The following MAN1A2 variants were observed in gnomAD, a reference collection of about 807,000 sequenced individuals.
MAN1A2 encodes the protein mannosyl-oligosaccharide 1,2-alpha-mannosidase IB.
In MAN1A2, 26 loss-of-function variants were observed where a neutral mutation model predicts 75.7. The ratio of observed to expected loss-of-function variants is 0.34; its 90% confidence interval spans 0.25 to 0.48. The LOEUF is 0.48. Among genes scored for constraint, MAN1A2 ranks in the 20% least tolerant of loss-of-function variants. MAN1A2 has a pLI of 0.99. For missense variants in MAN1A2, 562 were observed against 775.5 expected, an observed-to-expected ratio of 0.72 and a Z score of 3.27; for synonymous variants, 247 against 264.6, an observed-to-expected ratio of 0.93 and a Z score of 0.65.
rs1652091687 is a variant in MAN1A2 at position 117,528,658 on chromosome 1, G to T, written c.*5701G>T. On this transcript the variant is annotated 3_prime_UTR_variant, in exon 13 of 13. Coordinates refer to ENST00000356554, the MANE Select transcript of MAN1A2 (RefSeq NM_006699.5). ...TCTTCAATTTTAATTACTGGATTTGGAAGTTGAAATGCCATCCTTCAATAT... is the reference window on the plus strand; with the variant it reads ...TCTTCAATTTTAATTACTGGATTTGTAAGTTGAAATGCCATCCTTCAATAT... 1 of 152,006 alleles carries T rather than the reference G, an allele frequency of 6.6e-6. No individual in the cohort carries two copies. Among genetic ancestry groups the T allele is most frequent in the Admixed American group, 6.6e-5 (1 of 15,250 alleles). 9.4% of individuals were successfully genotyped at this position (152,006 alleles called of 1,614,324 possible).
intron 12 of MAN1A2, among the ~76,000 whole-genome samples, chr1:117,509,042 C>G (rs1021886327): frequency 1.3e-5 from 2 of 149,452 alleles, no homozygotes; most frequent in East Asian, 2.0e-4. Context: ...TTTTTCAACC[C>G]TAGGGATGAA....
chr1:117,504,590 T>G (rs927420306), intron 12 of MAN1A2, among the ~76,000 whole-genome samples: 9 of 151,388 alleles, frequency 5.9e-5, no homozygotes, highest in African/African-American at 2.2e-4. Flanking sequence ...ATAATAATGT[T>G]GTCTAATATG....
rs183543392 is a variant in MAN1A2, at chr1:117,421,534, G to T, written c.855+885G>T. Among the ~76,000 whole-genome samples, 113 of 150,696 alleles carry T rather than the reference G, an allele frequency of 7.5e-4. 1 individual carries two copies. Among genetic ancestry groups the T allele is most frequent in the Middle Eastern group, 6.8e-3 (2 of 294 alleles). On this transcript the variant is annotated intron_variant, in intron 5 of 12. Coordinates refer to ENST00000356554, the MANE Select transcript of MAN1A2 (RefSeq NM_006699.5). Reference sequence around the variant, plus strand: ...TTACAAAACAAAAATTCCCATTTTCGTATGGATTTTTATGACTTTATATAC... The same window carrying T: ...TTACAAAACAAAAATTCCCATTTTCTTATGGATTTTTATGACTTTATATAC...
In MAN1A2 at chr1:117,518,251, C is replaced by T. The variant is rs186594296; in HGVS notation, c.1794-4574C>T. Among the ~76,000 whole-genome samples the T allele has an allele frequency of 7.2e-5, 11 of 151,986 alleles. No individual in the cohort carries two copies. The East Asian group carries it at 1.2e-3, about 16-fold the overall frequency. ...TAAAAGAAAACTTGTTATTTAGCAG[C>T]GCATATACTTTGGCAATGAATACTG... On this transcript the variant is annotated intron_variant, in intron 12 of 12. Coordinates refer to ENST00000356554, the MANE Select transcript of MAN1A2 (RefSeq NM_006699.5).
chr1:117,379,896 G>A (rs1397917063), intron 1 of MAN1A2, among the ~76,000 whole-genome samples: 4 of 152,014 alleles, frequency 2.6e-5, no homozygotes, highest in Non-Finnish European at 4.4e-5. Flanking sequence ...CTGCTGTTGG[G>A]CATTTGGGTT....
rs1445600831 is a variant in MAN1A2, at chr1:117,523,723, T to C, written c.*766T>C. ...GAGCCTGGGTTTGGGATTTTGTGCA[T>C]GTAGTTCAGTCTAGTGTTGGTAGCA... On this transcript the variant is annotated 3_prime_UTR_variant, in exon 13 of 13. Transcript: ENST00000356554. 1 of 154,868 alleles carries C rather than the reference T, an allele frequency of 6.5e-6. No individual in the cohort carries two copies. The highest frequency in any genetic ancestry group is 1.4e-5 in the Non-Finnish European group (1 of 69,914). The allele number at this position is 154,868 out of a possible 1,614,324, so 9.6% of individuals were successfully genotyped here. A position where few individuals can be genotyped will look rare whatever the true frequency, so the allele number is the denominator to read the frequency against.
chr1:117,431,381 A>AT (rs1432048517), intron 5 of MAN1A2, among the ~76,000 whole-genome samples: 1 of 152,120 alleles, frequency 6.6e-6, no homozygotes, highest in Non-Finnish European at 1.5e-5. Context: ...TTCCTTTTTA[A>AT]TTTTTTATTA....
At chr1:117,424,644 T>C (rs1648306715) in intron 5 of MAN1A2, among the ~76,000 whole-genome samples, 1 of 152,202 alleles carries the variant, frequency 6.6e-6, no homozygotes, top group African/African-American at 2.4e-5. Context: ...TCAGCTCTCC[T>C]ATATGCGTTT....
At chr1:117,411,871 G>GCAA in intron 3 of MAN1A2, among the ~76,000 whole-genome samples, 2 of 151,820 alleles carry the variant, frequency 1.3e-5, no homozygotes, top group East Asian at 3.9e-4. Flanking sequence ...CATTGTATTG[G>GCAA]GAATGTAAAA....
chr1:117,440,203 C>T (rs1279342588), intron 5 of MAN1A2, among the ~76,000 whole-genome samples: 1 of 152,106 alleles, frequency 6.6e-6, no homozygotes, highest in Non-Finnish European at 1.5e-5. Context: ...GACAAAGACT[C>T]TGAGTGTGTG....
chr1:117,420,727 AG>A, intron 5 of MAN1A2, 78 bp downstream of exon 5: 1 of 1,049,106 alleles, frequency 9.5e-7, no homozygotes, highest in Admixed American at 1.8e-5. Flanking sequence ...TTTCCCTAGA[AG>A]CATATTAGTT....
intron 6 of MAN1A2, among the ~76,000 whole-genome samples, chr1:117,447,128 A>G (rs1044416843): frequency 1.3e-5 from 2 of 151,908 alleles, no homozygotes; most frequent in African/African-American, 4.8e-5. Context: ...ATTTATTTTC[A>G]GCTTCACTGT....
At chr1:117,444,023 C>A (rs1258641786) in intron 6 of MAN1A2, among the ~76,000 whole-genome samples, 1 of 151,718 alleles carries the variant, frequency 6.6e-6, no homozygotes, top group East Asian at 1.9e-4. Flanking sequence ...TCATATTTAT[C>A]TTCTACAATA....
chr1:117,488,875 G>C (rs1650793951), intron 8 of MAN1A2, among the ~76,000 whole-genome samples: 1 of 152,078 alleles, frequency 6.6e-6, no homozygotes, highest in Non-Finnish European at 1.5e-5. Context: ...TTAGATAATT[G>C]TAAGTGTCTA....
At position 117,438,003 on chromosome 1, in the gene MAN1A2, T is replaced by A. The variant is rs191586979; in HGVS notation, c.856-4228T>A. 7.1e-4 allele frequency among the ~76,000 whole-genome samples: 108 copies of A among 152,356 alleles called. 1 individual carries two copies. Among genetic ancestry groups the A allele is most frequent in the African/African-American group, 2.6e-3 (107 of 41,582 alleles). On this transcript the variant is annotated intron_variant, in intron 5 of 12. Transcript: ENST00000356554. ...AATTTAAAACAAATTGTTGTACCCCTATGGCTTATGGTTTACTGTGGGGTA... is the reference window on the plus strand; with the variant it reads ...AATTTAAAACAAATTGTTGTACCCCAATGGCTTATGGTTTACTGTGGGGTA...
chr1:117,382,650 G>T, intron 1 of MAN1A2, among the ~76,000 whole-genome samples: 1 of 152,146 alleles, frequency 6.6e-6, no homozygotes, highest in Non-Finnish European at 1.5e-5. Flanking sequence ...GCTTAGGATT[G>T]ACTTGGCGAT....
At chr1:117,479,467 T>C (rs12078981) in intron 8 of MAN1A2, among the ~76,000 whole-genome samples, 18,826 of 151,866 alleles carry the variant, frequency 0.12, 1,223 homozygotes, top group Non-Finnish European at 0.14. Context: ...TATCCAGTAA[T>C]GGGGATTACT....
At chr1:117,435,821 G>A (rs1648828711) in intron 5 of MAN1A2, among the ~76,000 whole-genome samples, 1 of 152,200 alleles carries the variant, frequency 6.6e-6, no homozygotes, top group South Asian at 2.1e-4. Flanking sequence ...ACTTTGGGAG[G>A]CCGAGGCGGG....
intron 12 of MAN1A2, among the ~76,000 whole-genome samples, chr1:117,518,039 C>T (rs1197365247): frequency 6.6e-6 from 1 of 151,942 alleles, no homozygotes; most frequent in African/African-American, 2.4e-5. Context: ...ATCTTTATAT[C>T]ATGACAGTTC....
Sources: allele counts gnomAD v4.1 joint callset (sites outside exome capture counted in the v4.1 genomes callset), GRCh38; gene constraint gnomAD v4.1.1; transcripts MANE v1.5; gene names NCBI Gene and HGNC (gene_info 2026-07-23, HGNC 2026-07-21).